BRCA2: variants seen among roughly 807,000 people sequenced by gnomAD.
BRCA2 encodes the protein breast cancer type 2 susceptibility protein.
Under a neutral mutation model 276.7 loss-of-function variants are expected in BRCA2, and 203 were observed. That is an observed-to-expected ratio of 0.73 (90% confidence interval 0.65 to 0.82). The LOEUF is 0.82. BRCA2 is among the 40% of genes least tolerant of loss of function. The pLI is 0.00. For missense variants in BRCA2, 3,920 were observed against 3,915.0 expected, an observed-to-expected ratio of 1.00 and a Z score of -0.03; for synonymous variants, 1,289 against 1,338.4, an observed-to-expected ratio of 0.96 and a Z score of 0.81.
intron 18 of BRCA2, among the ~76,000 whole-genome samples, chr13:32,367,543 C>T (rs569594786): frequency 1.3e-5 from 2 of 150,300 alleles, no homozygotes; most frequent in South Asian, 2.1e-4. Flanking sequence ...GTGTCTCACG[C>T]GTGTAATTGC....
At chr13:32,367,954 A>G (rs1445369096) in intron 18 of BRCA2, among the ~76,000 whole-genome samples, 1 of 150,348 alleles carries the variant, frequency 6.7e-6, no homozygotes, top group African/African-American at 2.5e-5. Flanking sequence ...GAATTAAAAT[A>G]TAACCATTTC....
At chr13:32,348,361 C>G (rs529664453) in intron 13 of BRCA2, among the ~76,000 whole-genome samples, 1 of 151,930 alleles carries the variant, frequency 6.6e-6, no homozygotes, top group East Asian at 1.9e-4. Flanking sequence ...AGTGAGCACA[C>G]AAGTAAAAAT....
At chr13:32,398,023 C>A in intron 26 of BRCA2, 139 bp from the exon 27 acceptor site, 2 of 807,810 alleles carry the variant, frequency 2.5e-6, no homozygotes, top group Non-Finnish European at 3.8e-6. Context: ...ACTGAAATCA[C>A]CTAACCTATT....
rs1057521490 is a variant in BRCA2 at position 32,362,711 on chromosome 13, C to A, written c.7976+18C>A. ...AAATACAGGCAAGTTTAAAGCATTA[C>A]ATTACGTAATCATATACGGCAGTAT... is the stretch of plus-strand genomic sequence containing the variant. On this transcript the variant is annotated intron_variant, in intron 17 of 26. Transcript: ENST00000380152. 1 of 1,613,408 alleles carries A rather than the reference C, an allele frequency of 6.2e-7. No individual in the cohort carries two copies. Among genetic ancestry groups the A allele is most frequent in the African/African-American group, 1.3e-5 (1 of 75,052 alleles).
At chr13:32,341,916 A>G (rs1013565186) in intron 11 of BRCA2, among the ~76,000 whole-genome samples, 3 of 151,710 alleles carry the variant, frequency 2.0e-5, no homozygotes, top group African/African-American at 7.3e-5. Context: ...ACTGGGTAAT[A>G]TATACTACTT....
rs4942499 is a variant in BRCA2, at chr13:32,388,181, T to C, written c.9257-6508T>C. Among the ~76,000 whole-genome samples the C allele has an allele frequency of 0.52, 77,707 of 150,306 alleles. 20,188 individuals carry two copies. Among genetic ancestry groups the C allele is most frequent in the East Asian group, 0.57 (2,899 of 5,094 alleles). Reference sequence around the variant, plus strand: ...TTGCCCAGGCTGGAGTGCAGTGGTGTGATCTCAGCTCACTGCAGCCTCTGC... The same window carrying C: ...TTGCCCAGGCTGGAGTGCAGTGGTGCGATCTCAGCTCACTGCAGCCTCTGC... On this transcript the variant is annotated intron_variant, in intron 24 of 26. Coordinates refer to ENST00000380152, the MANE Select transcript of BRCA2 (RefSeq NM_000059.4).
rs397507298 is a variant in BRCA2, at chr13:32,337,293, G to T, written c.2938G>T (p.Asp980Tyr). 2 of 1,612,560 alleles carry T rather than the reference G, an allele frequency of 1.2e-6. No individual in the cohort carries two copies. The highest frequency in any genetic ancestry group is 1.3e-5 in the African/African-American group (1 of 74,906). The change falls in exon 11 of 27, where the codon GAT (aspartate) becomes TAT (tyrosine). Residue 980 changes from aspartate to tyrosine, a missense_variant. This residue lies in a region of BRCA2 where 3,263 missense variants were observed against 3,156.9 expected (regional missense o/e 1.03). Coordinates refer to ENST00000380152, the MANE Select transcript of BRCA2 (RefSeq NM_000059.4). Reference protein sequence around the residue: ...DLKSDISLNIDKIPEKNNDYM... With the variant: ...DLKSDISLNIYKIPEKNNDYM... The stretch of plus-strand genomic sequence containing the variant: ...AAAATCGGACATCTCCTTGAATATA[G>T]ATAAAATACCAGAAAAAAATAATGA...
At chr13:32,357,638 A>C (rs59980528) in intron 15 of BRCA2, 104 bp from the exon 16 acceptor site, 3 of 1,210,538 alleles carry the variant, frequency 2.5e-6, no homozygotes, top group Non-Finnish European at 3.5e-6. Flanking sequence ...AGTTAATGAA[A>C]ATTTTTGGTA....
At position 32,399,122 on chromosome 13, in the gene BRCA2, G is replaced by A. The variant is rs1441348854; in HGVS notation, c.*352G>A. On this transcript the variant is annotated 3_prime_UTR_variant, in exon 27 of 27. Coordinates refer to ENST00000380152, the MANE Select transcript of BRCA2 (RefSeq NM_000059.4). ...TCAAGACCAGCCTGGGCAACATAGG[G>A]AGACCCCCATCTTTACAAAGAAAAA... is the stretch of plus-strand genomic sequence containing the variant. 8.0e-6 allele frequency: 2 copies of A among 251,074 alleles called. No homozygotes were observed. Among genetic ancestry groups the A allele is most frequent in the South Asian group, 1.3e-4 (1 of 7,796 alleles). 15.6% of individuals were successfully genotyped at this position (251,074 alleles called of 1,614,324 possible).
At position 32,337,678 on chromosome 13, in the gene BRCA2, A is replaced by C. The variant is rs765232270; in HGVS notation, c.3323A>C (p.Lys1108Thr). 4 of 1,599,068 alleles carry C rather than the reference A, an allele frequency of 2.5e-6. No individual in the cohort carries two copies. In the South Asian group the frequency reaches 3.4e-5, roughly 14 times the overall value. The change falls in exon 11 of 27, where the codon AAG (lysine) becomes ACG (threonine). Residue 1108 changes from lysine (K) to threonine (T), a missense_variant. By Grantham distance (78) the Lys-to-Thr change is moderately conservative. Coordinates refer to ENST00000380152, the MANE Select transcript of BRCA2 (RefSeq NM_000059.4). ...NSNHNLTPSQKAEITELSTIL... is the reference protein window; with the variant it reads ...NSNHNLTPSQTAEITELSTIL... ...AACCATAATTTAACACCTAGCCAAAAGGCAGAAATTACAGAACTTTCTACT... is the reference window on the plus strand; with the variant it reads ...AACCATAATTTAACACCTAGCCAAACGGCAGAAATTACAGAACTTTCTACT...
intron 4 of BRCA2, 42 bp from the exon 5 acceptor site, chr13:32,326,059 T>G (rs2137449043): frequency 6.4e-7 from 1 of 1,558,592 alleles, no homozygotes; most frequent in Non-Finnish European, 8.8e-7. Context: ...TTTTTGCCAG[T>G]TTTTTAAAAT....
Position 32,332,780 on chromosome 13 carries a change from A to G in BRCA2, c.1302A>G (p.Lys434=), listed in dbSNP as rs200552004. 1 of 1,607,408 alleles carries G rather than the reference A, an allele frequency of 6.2e-7. No homozygotes were observed. Among genetic ancestry groups the G allele is most frequent in the Non-Finnish European group, 8.5e-7 (1 of 1,178,440 alleles). Reference sequence around the variant, plus strand: ...AAGACCTATTAGACACAGAGAACAAAAGAAAGAAAGATTTTCTTACTTCAG... The same window carrying G: ...AAGACCTATTAGACACAGAGAACAAGAGAAAGAAAGATTTTCTTACTTCAG... The part of the protein sequence containing the change: ...SEKDLLDTEN[K]RKKDFLTSEN... Residue 434 remains lysine (K), a synonymous_variant, in exon 10 of 27, where the codon AAA becomes AAG. Coordinates refer to ENST00000380152, the MANE Select transcript of BRCA2 (RefSeq NM_000059.4).
At chr13:32,356,176 G>A (rs1267518628) in intron 14 of BRCA2, among the ~76,000 whole-genome samples, 1 of 151,328 alleles carries the variant, frequency 6.6e-6, no homozygotes, top group Non-Finnish European at 1.5e-5. Context: ...CTGAATAGCT[G>A]GGATTACAGG....
intron 11 of BRCA2, among the ~76,000 whole-genome samples, chr13:32,341,821 T>C (rs1359839072): frequency 4.2e-4 from 62 of 146,180 alleles, no homozygotes; most frequent in Non-Finnish European, 8.2e-4. Context: ...TGAGCCGAGA[T>C]CCCGCCACTG....
chr13:32,357,956 T>C, intron 16 of BRCA2, 27 bp downstream of exon 16: 1 of 1,604,374 alleles, frequency 6.2e-7, no homozygotes, highest in Non-Finnish European at 8.5e-7. Flanking sequence ...GATTGTGTGT[T>C]AACTTTTATG....
rs587782871 is a variant in BRCA2 at position 32,333,327 on chromosome 13, T to C, written c.1849T>C (p.Ser617Pro). 6.2e-7 allele frequency: 1 copy of C among 1,608,688 alleles called. No homozygotes were observed. Among genetic ancestry groups the C allele is most frequent in the Non-Finnish European group, 8.5e-7 (1 of 1,178,910 alleles). Residue 617 changes from serine to proline, a missense_variant, in exon 10 of 27, where the codon TCA becomes CCA. By Grantham distance (74) the Ser-to-Pro change is moderately conservative. Around this residue, in one of 2 missense-constraint regions of BRCA2, gnomAD observed 3,263 missense variants for 3,156.9 expected, o/e 1.03. Transcript: ENST00000380152. ...KDQKSELINC[S>P]AQFEANAFEA... ...CCAAAAATCAGAACTAATTAACTGTTCAGCCCAGTTTGAAGCAAATGCTTT... is the reference window on the plus strand; with the variant it reads ...CCAAAAATCAGAACTAATTAACTGTCCAGCCCAGTTTGAAGCAAATGCTTT...
intron 3 of BRCA2, among the ~76,000 whole-genome samples, chr13:32,319,877 G>A (rs993898080): frequency 6.6e-6 from 1 of 152,152 alleles, no homozygotes; most frequent in African/African-American, 2.4e-5. Flanking sequence ...CACAGATAAA[G>A]TATAGTGTAA....
chr13:32,355,044 T>A lies in BRCA2; in HGVS notation c.7191T>A (p.Ile2397=), dbSNP rs772265912. Residue 2397 remains isoleucine (I), a synonymous_variant, in exon 14 of 27, where the codon ATT becomes ATA. Coordinates refer to ENST00000380152, the MANE Select transcript of BRCA2 (RefSeq NM_000059.4). ...GAAATGAAAAAATGAGACACTTGAT[T>A]ACTACAGGCAGACCAACCAAAGTCT... ...ATRNEKMRHL[I]TTGRPTKVFV... The A allele has an allele frequency of 6.2e-7, 1 of 1,614,092 alleles. No homozygotes were observed. Among genetic ancestry groups the A allele is most frequent in the South Asian group, 1.1e-5 (1 of 91,086 alleles).
chr13:32,368,347 C>T (rs777623776), intron 18 of BRCA2, among the ~76,000 whole-genome samples: 23 of 152,170 alleles, frequency 1.5e-4, no homozygotes, highest in Non-Finnish European at 2.8e-4. Flanking sequence ...TCTTCTAGTT[C>T]TTAAAGTGAA....
Sources: allele counts gnomAD v4.1 joint callset (sites outside exome capture counted in the v4.1 genomes callset), GRCh38; gene constraint gnomAD v4.1.1; regional missense constraint gnomAD v4.1.1; transcripts MANE v1.5; gene names NCBI Gene and HGNC (gene_info 2026-07-23, HGNC 2026-07-21).